CBLB: variants seen among roughly 807,000 people sequenced by gnomAD.
CBLB encodes Cbl proto-oncogene B.
CBLB carries 31 observed loss-of-function variants against 104.9 expected under a neutral mutation model. That is an observed-to-expected ratio of 0.30 (90% CI 0.22 to 0.40). The LOEUF (loss-of-function observed/expected upper bound fraction) is 0.40. CBLB is among the 10% of genes least tolerant of loss of function. The pLI is 1.00. For missense variants in CBLB, 1,062 were observed against 1,214.6 expected (o/e 0.87, Z 1.87); for synonymous variants, 440 against 422.6 (o/e 1.04, Z -0.51).
chr3:105,713,423 T>A (rs1431789937), intron 10 of CBLB, among the ~76,000 whole-genome samples: 17 of 150,696 alleles, frequency 1.1e-4, no homozygotes, highest in Admixed American at 1.1e-3. Flanking sequence ...AAGGGCCTAC[T>A]GTGTATCAAG....
intron 3 of CBLB, among the ~76,000 whole-genome samples, chr3:105,785,460 A>T: frequency 6.6e-6 from 1 of 152,174 alleles, no homozygotes; most frequent in Non-Finnish European, 1.5e-5. Context: ...CAGAATACCA[A>T]CAAGACAAAG....
At chr3:105,866,675 A>G (rs928222673) in intron 2 of CBLB, among the ~76,000 whole-genome samples, 1 of 152,198 alleles carries the variant, frequency 6.6e-6, no homozygotes, top group African/African-American at 2.4e-5. Flanking sequence ...AGGTATTCAG[A>G]TTGACTTCTC....
chr3:105,810,102 G>C (rs1392473430), intron 3 of CBLB, among the ~76,000 whole-genome samples: 1 of 152,148 alleles, frequency 6.6e-6, no homozygotes, highest in East Asian at 1.9e-4. Flanking sequence ...TACACCCTGA[G>C]ACCTGCTTGA....
chr3:105,726,926 C>T (rs2073729483), intron 9 of CBLB, among the ~76,000 whole-genome samples: 1 of 152,156 alleles, frequency 6.6e-6, no homozygotes. Context: ...TGTATATGTG[C>T]CACATTTTCT....
At chr3:105,747,623 C>T (rs1371322160) in intron 5 of CBLB, among the ~76,000 whole-genome samples, 1 of 152,086 alleles carries the variant, frequency 6.6e-6, no homozygotes, top group Admixed American at 6.6e-5. Context: ...TAATGCATGA[C>T]TAAAAACTGC....
chr3:105,740,180 A>T (rs2075386146), intron 7 of CBLB, among the ~76,000 whole-genome samples: 1 of 152,160 alleles, frequency 6.6e-6, no homozygotes, highest in South Asian at 2.1e-4. Flanking sequence ...ATTCTAAATA[A>T]TTTTCTCTTA....
intron 3 of CBLB, among the ~76,000 whole-genome samples, chr3:105,783,555 CTA>C (rs779934761): frequency 6.6e-6 from 1 of 152,092 alleles, no homozygotes; most frequent in Admixed American, 6.6e-5. Context: ...CTCTGAGTGC[CTA>C]TTATACGCCA....
At chr3:105,749,883 C>T (rs2076437512) in intron 5 of CBLB, 1 of 160,716 alleles carries the variant, frequency 6.2e-6, no homozygotes, top group Non-Finnish European at 1.4e-5. Context: ...ATACATACAC[C>T]AAGGGAATAA....
rs576292710 is a variant in CBLB at position 105,813,404 on chromosome 3, T to A, written c.420-36862A>T. Among the ~76,000 whole-genome samples, 12 of 152,234 alleles carry A rather than the reference T, an allele frequency of 7.9e-5. No individual in the cohort carries two copies. The South Asian group carries it at 2.5e-3, about 32-fold the overall frequency. Reference sequence around the variant, plus strand: ...AAGTTATTAGTAAATAAAAAGTGGGTGCCCCTTAATCACTTTATTATATGT... The same window carrying A: ...AAGTTATTAGTAAATAAAAAGTGGGAGCCCCTTAATCACTTTATTATATGT... On this transcript the variant is annotated intron_variant, in intron 3 of 18. Transcript: ENST00000394030.
At chr3:105,703,655 C>T (rs1025116491) in intron 11 of CBLB, among the ~76,000 whole-genome samples, 2 of 152,066 alleles carry the variant, frequency 1.3e-5, no homozygotes, top group African/African-American at 2.4e-5. Flanking sequence ...TAAAAATGAG[C>T]GTAAAATATC....
chr3:105,795,974 G>A lies in CBLB; in HGVS notation c.420-19432C>T, dbSNP rs569648523. Among the ~76,000 whole-genome samples, 82 of 151,882 alleles carry A rather than the reference G, an allele frequency of 5.4e-4. 2 individuals are homozygous for A. In the South Asian group the frequency reaches 0.01, roughly 19 times the overall value. ...CCTGACCTTGTGATCCACCCACCTC[G>A]GCCTCCCAAAGTGCTGGGATTACAG... On this transcript the variant is annotated intron_variant, in intron 3 of 18. Transcript: ENST00000394030.
At chr3:105,837,529 A>G (rs2088736941) in intron 3 of CBLB, among the ~76,000 whole-genome samples, 1 of 152,230 alleles carries the variant, frequency 6.6e-6, no homozygotes, top group Admixed American at 6.5e-5. Context: ...TGCTTTGAGT[A>G]GTTTGTGAGA....
At chr3:105,670,633 AAC>A (rs1388635772) in intron 17 of CBLB, 9 of 374,162 alleles carry the variant, frequency 2.4e-5, no homozygotes, top group African/African-American at 1.9e-4. Context: ...TGACAATAAA[AAC>A]AGCTTCTAAA....
rs528546809 is a variant in CBLB, at chr3:105,776,470, A to T, written c.492T>A (p.Gly164=). 29 of 1,613,704 alleles carry T rather than the reference A, an allele frequency of 1.8e-5. No homozygotes were observed. Among genetic ancestry groups the T allele is most frequent in the Middle Eastern group, 3.3e-4 (2 of 6,078 alleles). ...TACGAAAGTTATCTCCCTGGAATTG[A>T]CCATTGGGAAAGATTGCTTTGATTT... The part of the protein sequence containing the change: ...LAEIKAIFPN[G]QFQGDNFRIT... The change falls in exon 4 of 19, where the codon GGT becomes GGA. Residue 164 remains glycine (G), a synonymous_variant. Transcript: ENST00000394030.
At chr3:105,818,788 TAAG>T (rs376313863) in intron 3 of CBLB, among the ~76,000 whole-genome samples, 1,968 of 152,260 alleles carry the variant, frequency 0.013, 44 homozygotes, top group African/African-American at 0.045. Flanking sequence ...TGCAAAATTC[TAAG>T]AAGAGTATGC....
At chr3:105,786,729 T>A (rs1411207518) in intron 3 of CBLB, among the ~76,000 whole-genome samples, 1 of 152,212 alleles carries the variant, frequency 6.6e-6, no homozygotes, top group Non-Finnish European at 1.5e-5. Context: ...TAAATCTAGT[T>A]CATGATTTAT....
chr3:105,745,431 G>A (rs955185657), intron 6 of CBLB, among the ~76,000 whole-genome samples: 27 of 152,146 alleles, frequency 1.8e-4, no homozygotes, highest in Admixed American at 5.9e-4. Context: ...TCAAGGACAC[G>A]AAATTGGTTT....
At chr3:105,688,752 A>C (rs1426331311) in intron 13 of CBLB, among the ~76,000 whole-genome samples, 1 of 152,074 alleles carries the variant, frequency 6.6e-6, no homozygotes, top group Non-Finnish European at 1.5e-5. Flanking sequence ...GCCACATATA[A>C]ATCATTTCCT....
chr3:105,701,880 T>C (rs1216250499), intron 12 of CBLB, among the ~76,000 whole-genome samples: 1 of 152,188 alleles, frequency 6.6e-6, no homozygotes, highest in East Asian at 1.9e-4. Flanking sequence ...TCTAGTGTCT[T>C]CACATTAAAA....
Sources: allele counts gnomAD v4.1 joint callset (sites outside exome capture counted in the v4.1 genomes callset), GRCh38; gene constraint gnomAD v4.1.1; transcripts MANE v1.5; gene names NCBI Gene and HGNC (gene_info 2026-07-23, HGNC 2026-07-21).